The following SCFD1 variants were observed in gnomAD, a reference collection of about 807,000 sequenced individuals.
SCFD1 encodes sec1 family domain containing 1.
A neutral mutation model predicts 103.2 loss-of-function variants in SCFD1; 37 were observed. The ratio of observed to expected loss-of-function variants is 0.36; its 90% CI spans 0.28 to 0.47. SCFD1 has a LOEUF of 0.47. Among genes scored for constraint, SCFD1 ranks in the 20% least tolerant of loss-of-function variants. The pLI is 1.00. For synonymous variants in SCFD1, 264 were observed against 245.0 expected, an observed-to-expected ratio of 1.08 and a Z score of -0.73; for missense variants, 639 against 761.2, an observed-to-expected ratio of 0.84 and a Z score of 1.89.
At chr14:30,651,116 G>T (rs556809053) in intron 9 of SCFD1, among the ~76,000 whole-genome samples, 1 of 152,060 alleles carries the variant, frequency 6.6e-6, no homozygotes, top group East Asian at 1.9e-4. Flanking sequence ...TTATTGAATA[G>T]AAATACTAAA....
At chr14:30,652,773 A>G (rs754105622) in intron 9 of SCFD1, among the ~76,000 whole-genome samples, 2 of 152,228 alleles carry the variant, frequency 1.3e-5, no homozygotes, top group Admixed American at 6.5e-5. Context: ...TTGGGAGGCC[A>G]AGGTGGGAGG....
chr14:30,674,966 A>AT lies in SCFD1; in HGVS notation c.1161-12dup, dbSNP rs1888902035. On this transcript the variant is annotated splice_polypyrimidine_tract_variant and intron_variant, in intron 13 of 24. Coordinates refer to ENST00000458591, the MANE Select transcript of SCFD1 (RefSeq NM_016106.4). ...TAGAAAATTTATTGGTTAATATTTA[A>AT]TTTTTTGATACTTGCAGTTCTTTGC... 4 of 1,492,254 alleles carry AT rather than the reference A, an allele frequency of 2.7e-6. No individual in the cohort carries two copies. Among genetic ancestry groups the AT allele is most frequent in the Non-Finnish European group, 3.6e-6 (4 of 1,098,722 alleles). 92.4% of individuals were successfully genotyped at this position (1,492,254 alleles called of 1,614,324 possible).
intron 14 of SCFD1, among the ~76,000 whole-genome samples, chr14:30,684,925 G>A (rs1380773488): frequency 4.3e-5 from 4 of 92,802 alleles, no homozygotes; most frequent in Non-Finnish European, 8.0e-5. Flanking sequence ...GTGTCATCTA[G>A]CATTAGGTAT....
intron 10 of SCFD1, chr14:30,669,652 G>T (rs1041536984): frequency 6.6e-6 from 1 of 151,992 alleles, no homozygotes; most frequent in African/African-American, 2.4e-5. Context: ...CTTAAAGTTT[G>T]TGTGAAAGAG....
At chr14:30,725,649 TC>T (rs1406577220) in intron 23 of SCFD1, among the ~76,000 whole-genome samples, 1 of 152,178 alleles carries the variant, frequency 6.6e-6, no homozygotes, top group African/African-American at 2.4e-5. Flanking sequence ...CAGTTTGACT[TC>T]CTGTCTTCCT....
chr14:30,656,227 C>G (rs1886884392), intron 10 of SCFD1, among the ~76,000 whole-genome samples: 1 of 152,084 alleles, frequency 6.6e-6, no homozygotes, highest in Non-Finnish European at 1.5e-5. Flanking sequence ...TCCCAAAGTG[C>G]TGAGATTACA....
Position 30,734,221 on chromosome 14 carries a change from G to A in SCFD1, c.1837-569G>A, listed in dbSNP as rs564167016. ...CTCATGAATTTACCTTCAGGTTCAC[G>A]ATACATACAAGAAATTAGCAAATCG... On this transcript the variant is annotated intron_variant, in intron 23 of 24. Transcript: ENST00000458591. 4.1e-4 allele frequency among the ~76,000 whole-genome samples: 63 copies of A among 152,184 alleles called. 1 individual carries two copies. In the South Asian group the frequency reaches 0.012, roughly 30 times the overall value.
intron 15 of SCFD1, among the ~76,000 whole-genome samples, chr14:30,699,739 C>G (rs1890948728): frequency 6.6e-6 from 1 of 152,136 alleles, no homozygotes; most frequent in Non-Finnish European, 1.5e-5. Context: ...CCAGCAAAGT[C>G]TCATAACCCA....
chr14:30,651,955 A>G (rs984035232), intron 9 of SCFD1, among the ~76,000 whole-genome samples: 3 of 152,160 alleles, frequency 2.0e-5, no homozygotes, highest in South Asian at 2.1e-4. Context: ...TAAACATCCT[A>G]TAATGCACAC....
rs141317616 is a variant in SCFD1 at position 30,725,323 on chromosome 14, A to G, written c.1836+2764A>G. Among the ~76,000 whole-genome samples, 563 of 152,270 alleles carry G rather than the reference A, an allele frequency of 3.7e-3. 7 individuals carry two copies. Among genetic ancestry groups the G allele is most frequent in the African/African-American group, 0.013 (533 of 41,570 alleles). ...TCTTCTTCCTATCCATGAGCATGGA[A>G]TGTTTTTCCATTTGTTTGTGTCATC... On this transcript the variant is annotated intron_variant, in intron 23 of 24. Transcript: ENST00000458591.
chr14:30,681,884 T>C (rs1889514025), intron 14 of SCFD1, among the ~76,000 whole-genome samples: 1 of 152,186 alleles, frequency 6.6e-6, no homozygotes, highest in Non-Finnish European at 1.5e-5. Context: ...AACCCAGGGA[T>C]ATAATATTAA....
intron 4 of SCFD1, 38 bp downstream of exon 4, chr14:30,634,075 G>C (rs768695699): frequency 1.6e-6 from 2 of 1,236,970 alleles, no homozygotes; most frequent in South Asian, 2.8e-5. Context: ...CCTGAATTTG[G>C]AAATGGATTT....
chr14:30,707,121 T>C (rs1891523833), intron 18 of SCFD1, among the ~76,000 whole-genome samples: 1 of 152,202 alleles, frequency 6.6e-6, no homozygotes, highest in East Asian at 1.9e-4. Flanking sequence ...AAATAGACTT[T>C]TCAGTTTCAT....
intron 4 of SCFD1, chr14:30,634,721 A>G: frequency 4.6e-6 from 2 of 439,218 alleles, no homozygotes; most frequent in South Asian, 3.3e-5. Flanking sequence ...TCAAAGACCC[A>G]GGCTCCTTCT....
intron 11 of SCFD1, 123 bp downstream of exon 11, chr14:30,670,518 T>C: frequency 3.5e-6 from 2 of 571,242 alleles, no homozygotes; most frequent in South Asian, 5.3e-5. Flanking sequence ...GAGTGGGGGC[T>C]GTAATTAGAT....
At chr14:30,640,934 TTAA>T (rs1324945005) in intron 6 of SCFD1, among the ~76,000 whole-genome samples, 1 of 152,184 alleles carries the variant, frequency 6.6e-6, no homozygotes, top group Non-Finnish European at 1.5e-5. Flanking sequence ...ACCCAGATTC[TTAA>T]TAATGATAAT....
intron 3 of SCFD1, 44 bp downstream of exon 3, chr14:30,630,609 C>T (rs777446524): frequency 8.7e-7 from 1 of 1,152,660 alleles, no homozygotes; most frequent in South Asian, 1.2e-5. Context: ...ATTTAAAGAA[C>T]ATTTATAGAG....
chr14:30,653,461 T>C (rs763618312), intron 9 of SCFD1, 28 bp from the exon 10 acceptor site: 64 of 1,404,856 alleles, frequency 4.6e-5, no homozygotes, highest in Middle Eastern at 3.5e-4. Context: ...TCAAGAGTTA[T>C]GTAATTTTTT....
chr14:30,694,057 G>GT (rs1323388095), intron 14 of SCFD1, among the ~76,000 whole-genome samples: 1 of 151,926 alleles, frequency 6.6e-6, no homozygotes, highest in Non-Finnish European at 1.5e-5. Flanking sequence ...TAAGGAAAAA[G>GT]TTTTTTTAAA....
Sources: gnomAD v4.1 joint callset for allele counts (sites outside exome capture counted in the v4.1 genomes callset) on GRCh38, gnomAD v4.1.1 for gene constraint, MANE v1.5 for transcripts, NCBI Gene and HGNC (gene_info 2026-07-23, HGNC 2026-07-21) for gene names.